Variants in RIMS1 observed in about 807,000 individuals in gnomAD.
RIMS1 encodes the protein regulating synaptic membrane exocytosis protein 1.
RIMS1 carries 83 observed loss-of-function variants against 214.1 expected under a neutral mutation model. That is an observed-to-expected ratio of 0.39 (90% CI 0.32 to 0.47). The LOEUF is 0.47. RIMS1 is among the 20% of genes least tolerant of loss of function. The pLI is 0.99. For synonymous variants in RIMS1, 793 were observed against 786.8 expected, an observed-to-expected ratio of 1.01 and a Z score of -0.13; for missense variants, 2,050 against 2,161.8, an observed-to-expected ratio of 0.95 and a Z score of 1.03.
chr6:72,400,208 A>G (rs1028784709), intron 33 of RIMS1, among the ~76,000 whole-genome samples: 1 of 151,982 alleles, frequency 6.6e-6, no homozygotes, highest in Non-Finnish European at 1.5e-5. Context: ...ATATAAAAAT[A>G]CTCTTATGTA....
intron 2 of RIMS1, among the ~76,000 whole-genome samples, chr6:72,052,462 C>T (rs9442730): frequency 0.084 from 12,734 of 152,200 alleles, 590 homozygotes; most frequent in African/African-American, 0.11. Context: ...TGCAGGTGTA[C>T]TTCCTTGGTT....
intron 14 of RIMS1, 33 bp downstream of exon 14, chr6:72,251,125 G>C: frequency 6.4e-7 from 1 of 1,557,816 alleles, no homozygotes; most frequent in Non-Finnish European, 8.7e-7. Flanking sequence ...AAGTCAAATA[G>C]TTAATAAAGT....
rs773319214 is a variant in RIMS1 at position 72,250,354 on chromosome 6, G to A, written c.2266G>A (p.Gly756Arg). The A allele has an allele frequency of 4.4e-6, 7 of 1,608,326 alleles. No individual in the cohort carries two copies. The highest frequency in any genetic ancestry group is 5.9e-6 in the Non-Finnish European group (7 of 1,177,472). Residue 756 changes from glycine to arginine, a missense_variant, in exon 13 of 34, where the codon GGA becomes AGA. This residue lies in a region of RIMS1 where 889 missense variants were observed against 885.5 expected (regional missense o/e 1.00). Transcript: ENST00000521978. ...LSVKLWYDKVGHQLIVNVLQA... is the reference protein window; with the variant it reads ...LSVKLWYDKVRHQLIVNVLQA... ...GGTGAAGTTGTGGTATGATAAAGTG[G>A]GACACCAGCTGATTGTAAATGTTCT...
intron 1 of RIMS1, among the ~76,000 whole-genome samples, chr6:71,966,536 T>A (rs1445236383): frequency 6.6e-6 from 1 of 152,210 alleles, no homozygotes; most frequent in Non-Finnish European, 1.5e-5. Context: ...TTTATTTTTT[T>A]ATTTGAGTTG....
intron 2 of RIMS1, among the ~76,000 whole-genome samples, chr6:72,022,076 T>G (rs1196144390): frequency 2.0e-5 from 3 of 152,168 alleles, no homozygotes; most frequent in South Asian, 4.1e-4. Context: ...GACAACTAAG[T>G]ATAATAAAAT....
At chr6:72,270,723 T>A (rs2082630101) in intron 22 of RIMS1, among the ~76,000 whole-genome samples, 1 of 152,166 alleles carries the variant, frequency 6.6e-6, no homozygotes, top group Non-Finnish European at 1.5e-5. Context: ...TTTACAAGTT[T>A]GTTTGTTGTG....
chr6:72,110,702 C>T (rs1182045989), intron 4 of RIMS1, among the ~76,000 whole-genome samples: 4 of 151,786 alleles, frequency 2.6e-5, no homozygotes, highest in Admixed American at 2.0e-4. Context: ...ATTTCCTTCT[C>T]CTGCCTAATA....
chr6:72,372,918 A>T (rs964032926), intron 29 of RIMS1, among the ~76,000 whole-genome samples: 1 of 152,256 alleles, frequency 6.6e-6, no homozygotes, highest in African/African-American at 2.4e-5. Flanking sequence ...GAAACAAACA[A>T]TCCTGGGAAT....
At chr6:71,967,701 A>G (rs1316779379) in intron 1 of RIMS1, among the ~76,000 whole-genome samples, 4 of 152,188 alleles carry the variant, frequency 2.6e-5, no homozygotes, top group African/African-American at 9.7e-5. Context: ...ACTCTTGATG[A>G]ACACCACTTT....
chr6:72,182,070 T>C (rs1228537873), intron 5 of RIMS1, among the ~76,000 whole-genome samples: 1 of 152,228 alleles, frequency 6.6e-6, no homozygotes, highest in Non-Finnish European at 1.5e-5. Context: ...ATGACACTCT[T>C]ATGAAAACTA....
chr6:72,180,674 A>G (rs1430780308), intron 5 of RIMS1, among the ~76,000 whole-genome samples: 1 of 152,246 alleles, frequency 6.6e-6, no homozygotes, highest in Non-Finnish European at 1.5e-5. Flanking sequence ...GTGTTGACAA[A>G]GAAGACAGAG....
At chr6:72,162,671 T>A (rs1408215900) in intron 4 of RIMS1, among the ~76,000 whole-genome samples, 4 of 140,610 alleles carry the variant, frequency 2.8e-5, no homozygotes, top group East Asian at 2.0e-4. Flanking sequence ...GGATATGAAA[T>A]TCTGGGTTGA....
chr6:72,290,716 G>T lies in RIMS1; in HGVS notation c.3592G>T (p.Ala1198Ser), dbSNP rs1163437721. ...PTCLSRRGHAAPRATDQPVIR... is the reference protein window; with the variant it reads ...PTCLSRRGHASPRATDQPVIR... ...ATGTCTTTCTAGAAGGGGACACGCAGCCCCAAGAGCAACTGATCAGCCAGT... is the reference window on the plus strand; with the variant it reads ...ATGTCTTTCTAGAAGGGGACACGCATCCCCAAGAGCAACTGATCAGCCAGT... The change falls in exon 25 of 34, where the codon GCC becomes TCC. Residue 1198 changes from alanine to serine, a missense_variant. Ala to Ser is a moderately conservative substitution (Grantham distance 99). Coordinates refer to ENST00000521978, the MANE Select transcript of RIMS1 (RefSeq NM_014989.7). 3 of 1,613,742 alleles carry T rather than the reference G, an allele frequency of 1.9e-6. No individual in the cohort carries two copies. The Admixed American group carries it at 5.0e-5, about 27-fold the overall frequency.
At chr6:72,116,552 A>G (rs1359643272) in intron 4 of RIMS1, among the ~76,000 whole-genome samples, 1 of 151,994 alleles carries the variant, frequency 6.6e-6, no homozygotes, top group South Asian at 2.1e-4. Flanking sequence ...CAACTATTTA[A>G]TCATCTTAAT....
chr6:72,015,912 C>G (rs113597662), intron 2 of RIMS1, among the ~76,000 whole-genome samples: 1 of 151,860 alleles, frequency 6.6e-6, no homozygotes, highest in South Asian at 2.1e-4. Flanking sequence ...GGTGACAGAG[C>G]GAGACTCTGT....
At chr6:72,398,083 G>T (rs867599868) in intron 31 of RIMS1, among the ~76,000 whole-genome samples, 166 bp from the exon 32 acceptor site, 1 of 152,072 alleles carries the variant, frequency 6.6e-6, no homozygotes, top group Admixed American at 6.6e-5. Context: ...ATTTGATTTG[G>T]AAACTGAGAA....
chr6:72,034,902 A>G (rs777046443), intron 2 of RIMS1, among the ~76,000 whole-genome samples: 71 of 152,312 alleles, frequency 4.7e-4, no homozygotes, highest in Admixed American at 2.0e-3. Context: ...AAATGAGCAA[A>G]TTAATTGAAT....
intron 6 of RIMS1, among the ~76,000 whole-genome samples, chr6:72,194,081 A>T (rs2050487798): frequency 6.6e-6 from 1 of 152,200 alleles, no homozygotes; most frequent in African/African-American, 2.4e-5. Flanking sequence ...AACACCGATG[A>T]AATAAATAGA....
intron 2 of RIMS1, among the ~76,000 whole-genome samples, chr6:72,068,863 A>G (rs1829938285): frequency 1.3e-5 from 2 of 151,844 alleles, no homozygotes; most frequent in Admixed American, 1.3e-4. Flanking sequence ...GTGAGCCGAG[A>G]TCGCGCCACT....
Sources: allele counts gnomAD v4.1 joint callset (sites outside exome capture counted in the v4.1 genomes callset), GRCh38; gene constraint gnomAD v4.1.1; regional missense constraint gnomAD v4.1.1; transcripts MANE v1.5; gene names NCBI Gene and HGNC (gene_info 2026-07-23, HGNC 2026-07-21).